Variants in KIF17 observed in about 807,000 individuals in gnomAD.
The protein encoded by KIF17 is kinesin family member 17.
Under a neutral mutation model 96.8 loss-of-function variants are expected in KIF17, and 80 were observed. The ratio of observed to expected loss-of-function variants is 0.83; its 90% CI spans 0.69 to 1.00. KIF17 has a LOEUF of 1.00. Among genes scored for constraint, KIF17 ranks in the 50% least tolerant of loss-of-function variants. KIF17 has a pLI of 0.00. For synonymous variants in KIF17, 567 were observed against 587.5 expected (o/e 0.97, Z 0.51); for missense variants, 1,280 against 1,372.9 (o/e 0.93, Z 1.07).
At chr1:20,708,143 T>C (rs959989711) in intron 4 of KIF17, among the ~76,000 whole-genome samples, 1 of 152,126 alleles carries the variant, frequency 6.6e-6, no homozygotes, top group African/African-American at 2.4e-5. Context: ...TCAGTTGCCC[T>C]GGTCTCTGCC....
At chr1:20,696,961 C>A (rs1200397706) in intron 6 of KIF17, among the ~76,000 whole-genome samples, 1 of 152,228 alleles carries the variant, frequency 6.6e-6, no homozygotes, top group Admixed American at 6.5e-5. Flanking sequence ...GTGCCCGCTG[C>A]CGAGCTCCAG....
chr1:20,706,731 G>A (rs1245129464), intron 4 of KIF17, among the ~76,000 whole-genome samples: 1 of 149,338 alleles, frequency 6.7e-6, no homozygotes, highest in African/African-American at 2.5e-5. Flanking sequence ...ACAAAAAAAA[G>A]TATAAAAATT....
In KIF17 at chr1:20,685,351, C is replaced by G. The variant is rs913678147; in HGVS notation, c.2020-331G>C. ...GCCCCATGTGACTTCCCGTCACGTT[C>G]GCAGGAAAGTCCACTTTCCTCCCTG... On this transcript the variant is annotated intron_variant, in intron 9 of 14. Coordinates refer to ENST00000400463, the MANE Select transcript of KIF17 (RefSeq NM_001122819.3). The surrounding 1 kb of genome is among the most constrained non-coding windows in gnomAD (Gnocchi z 4.1). The G allele has an allele frequency of 1.0e-5, 5 of 481,792 alleles. No individual in the cohort carries two copies. The highest frequency in any genetic ancestry group is 2.0e-5 in the Non-Finnish European group (5 of 250,516). The allele number at this position is 481,792 out of a possible 1,614,324, so 29.8% of individuals were successfully genotyped here. A position where few individuals can be genotyped will look rare whatever the true frequency, so the allele number is the denominator to read the frequency against.
intron 12 of KIF17, among the ~76,000 whole-genome samples, chr1:20,670,917 G>A (rs547160410): frequency 5.7e-4 from 87 of 152,312 alleles, no homozygotes; most frequent in Non-Finnish European, 1.0e-3. Flanking sequence ...GTCCACGGCT[G>A]GAGAAAGAGC....
At chr1:20,714,934 G>A (rs1295275558) in intron 2 of KIF17, among the ~76,000 whole-genome samples, 2 of 152,330 alleles carry the variant, frequency 1.3e-5, no homozygotes, top group South Asian at 2.1e-4. Flanking sequence ...GTGGCACAGT[G>A]GGTTCTGCAG....
chr1:20,703,577 T>C (rs1353716485), intron 5 of KIF17, among the ~76,000 whole-genome samples: 2 of 148,112 alleles, frequency 1.4e-5, no homozygotes, highest in South Asian at 2.2e-4. Context: ...AGTGTGCAGA[T>C]GGATAAGTAA....
chr1:20,688,940 A>G (rs1037845379), intron 7 of KIF17, among the ~76,000 whole-genome samples: 2 of 152,152 alleles, frequency 1.3e-5, no homozygotes, highest in Non-Finnish European at 2.9e-5. Flanking sequence ...GCTCCAGTTC[A>G]GGGGGCTCCC....
At chr1:20,674,665 G>A (rs72650864) in intron 11 of KIF17, among the ~76,000 whole-genome samples, 15,626 of 150,514 alleles carry the variant, frequency 0.1, 1,001 homozygotes, top group Middle Eastern at 0.19. Context: ...TTACACCTAC[G>A]TTTTCTTCCA....
chr1:20,683,184 T>C (rs2053863768), intron 10 of KIF17, among the ~76,000 whole-genome samples: 1 of 152,186 alleles, frequency 6.6e-6, no homozygotes, highest in South Asian at 2.1e-4. Flanking sequence ...TCCCTGCAGC[T>C]GAGCAGGCTA....
At chr1:20,664,924 G>T (rs1339146642) in intron 14 of KIF17, among the ~76,000 whole-genome samples, 162 bp from the exon 15 acceptor site, 1 of 152,154 alleles carries the variant, frequency 6.6e-6, no homozygotes, top group African/African-American at 2.4e-5. Flanking sequence ...CTGCGAGGCT[G>T]CTCTGGCTGA....
At chr1:20,707,879 A>C (rs1328909606) in intron 4 of KIF17, among the ~76,000 whole-genome samples, 1 of 147,394 alleles carries the variant, frequency 6.8e-6, no homozygotes, top group Non-Finnish European at 1.5e-5. Flanking sequence ...ACATTTATAT[A>C]TAAATAAACA....
At chr1:20,697,760 GC>G (rs1304013935) in intron 6 of KIF17, among the ~76,000 whole-genome samples, 1 of 152,146 alleles carries the variant, frequency 6.6e-6, no homozygotes, top group African/African-American at 2.4e-5. Context: ...GAGTGGGGGG[GC>G]CCCCGCCATG....
chr1:20,663,749 GC>G (rs1219602732), downstream of KIF17, among the ~76,000 whole-genome samples: 2 of 152,194 alleles, frequency 1.3e-5, no homozygotes, highest in African/African-American at 4.8e-5. Context: ...CAAAAGCTGG[GC>G]CCTTTTCTGG....
Position 20,704,759 on chromosome 1 carries a change from C to G in KIF17, c.811G>C (p.Gly271Arg). The G allele has an allele frequency of 6.2e-7, 1 of 1,612,542 alleles. No individual in the cohort carries two copies. The highest frequency in any genetic ancestry group is 1.1e-5 in the South Asian group (1 of 91,038). The change falls in exon 5 of 15, where the codon GGC (glycine) becomes CGC (arginine). Residue 271 changes from glycine to arginine, a missense_variant. Coordinates refer to ENST00000400463, the MANE Select transcript of KIF17 (RefSeq NM_001122819.3). The surrounding 1 kb of genome is among the most constrained non-coding windows in gnomAD (Gnocchi z 6.8). ...TKINLSLSAL[G>R]NVISALVDGR... ...TCCACCAGCGCCGAGATGACATTGC[C>G]CAGTGCCGAGAGCGACAGGTTGATC...
intron 11 of KIF17, among the ~76,000 whole-genome samples, chr1:20,679,001 CAA>C (rs34906395): frequency 9.6e-4 from 83 of 86,564 alleles, no homozygotes; most frequent in Middle Eastern, 0.011. Flanking sequence ...TCTTCCTTGG[CAA>C]AAAAAAAAAA....
chr1:20,712,182 G>A (rs907833640), intron 3 of KIF17, among the ~76,000 whole-genome samples: 9 of 152,080 alleles, frequency 5.9e-5, no homozygotes, highest in Non-Finnish European at 1.3e-4. Flanking sequence ...GGGGAGGAGG[G>A]CTCCCTGCTG....
At chr1:20,712,374 G>A (rs1426250013) in intron 3 of KIF17, among the ~76,000 whole-genome samples, 3 of 151,248 alleles carry the variant, frequency 2.0e-5, no homozygotes, top group Admixed American at 1.3e-4. Flanking sequence ...AAAAACTCTA[G>A]GTGGGAGGCT....
At chr1:20,662,770 T>C (rs1489637601), downstream of KIF17, among the ~76,000 whole-genome samples, 1 of 152,178 alleles carries the variant, frequency 6.6e-6, no homozygotes, top group Non-Finnish European at 1.5e-5. Context: ...GCCCAGCCTT[T>C]AACACCCTGA....
At position 20,717,743 on chromosome 1, in the gene KIF17, C is replaced by G; in HGVS notation, c.-37G>C. 2 of 1,513,254 alleles carry G rather than the reference C, an allele frequency of 1.3e-6. No homozygotes were observed. The highest frequency in any genetic ancestry group is 1.8e-6 in the Non-Finnish European group (2 of 1,137,970). The allele number at this position is 1,513,254 out of a possible 1,614,324, so 93.7% of individuals were successfully genotyped here. A position where few individuals can be genotyped will look rare whatever the true frequency, so the allele number is the denominator to read the frequency against. On this transcript the variant is annotated 5_prime_UTR_variant, in exon 1 of 15. Coordinates refer to ENST00000400463, the MANE Select transcript of KIF17 (RefSeq NM_001122819.3). ...CAGGACCAACGGGACCAGAGCTGAC[C>G]CCCGCCCCGCCGGGGACTCCCAGCA...
Sources: gnomAD v4.1 joint callset for allele counts (sites outside exome capture counted in the v4.1 genomes callset) on GRCh38, gnomAD v4.1.1 for gene constraint, Gnocchi (gnomAD v3.1) non-coding constraint, MANE v1.5 for transcripts, NCBI Gene and HGNC (gene_info 2026-07-23, HGNC 2026-07-21) for gene names.